Variants in SLC35F3 observed in about 807,000 individuals in gnomAD.
SLC35F3 encodes solute carrier family 35 member F3, also known as putative thiamine transporter SLC35F3.
Under a neutral mutation model 49.9 loss-of-function variants are expected in SLC35F3, and 25 were observed. The ratio of observed to expected loss-of-function variants is 0.50; its 90% CI spans 0.37 to 0.70. SLC35F3 has a LOEUF of 0.70. Ranked by LOEUF, SLC35F3 falls within the 30% of genes least tolerant of loss-of-function variation. SLC35F3 has a pLI of 0.00. For missense variants in SLC35F3, 525 were observed against 639.8 expected (o/e 0.82, Z 1.94); for synonymous variants, 275 against 265.4 (o/e 1.04, Z -0.35).
At chr1:233,905,467 C>T in intron 1 of SLC35F3, 62 bp from the exon 2 acceptor site, 3 of 1,248,046 alleles carry the variant, frequency 2.4e-6, no homozygotes, top group East Asian at 2.5e-5. Flanking sequence ...CCTCACGAAT[C>T]CCCTCCTCTC....
chr1:234,069,855 T>C (rs1664686415), intron 2 of SLC35F3, among the ~76,000 whole-genome samples: 1 of 152,222 alleles, frequency 6.6e-6, no homozygotes, highest in Non-Finnish European at 1.5e-5. Context: ...CTTGATTTCA[T>C]TGCCACCAGT....
chr1:233,908,866 T>A (rs1454010197), intron 2 of SLC35F3, among the ~76,000 whole-genome samples: 2 of 149,752 alleles, frequency 1.3e-5, no homozygotes, highest in African/African-American at 4.9e-5. Flanking sequence ...AATAATAGTA[T>A]TTTTTTTTAG....
intron 2 of SLC35F3, among the ~76,000 whole-genome samples, chr1:234,197,640 C>A (rs1012073344): frequency 4.6e-5 from 7 of 152,194 alleles, no homozygotes; most frequent in Admixed American, 3.9e-4. Context: ...AGTTCTCCTG[C>A]CCACAAGAAC....
At chr1:234,243,196 T>C (rs1192496407) in intron 3 of SLC35F3, among the ~76,000 whole-genome samples, 1 of 151,918 alleles carries the variant, frequency 6.6e-6, no homozygotes, top group African/African-American at 2.4e-5. Flanking sequence ...CTACTAACAA[T>C]ACAAAAAAAT....
intron 2 of SLC35F3, among the ~76,000 whole-genome samples, chr1:234,224,020 A>G (rs1424026134): frequency 6.6e-6 from 1 of 151,958 alleles, no homozygotes; most frequent in Non-Finnish European, 1.5e-5. Context: ...TTAGAATTCC[A>G]TCCTTATGAC....
intron 2 of SLC35F3, among the ~76,000 whole-genome samples, chr1:234,124,597 T>C (rs970649827): frequency 6.6e-6 from 1 of 152,186 alleles, no homozygotes; most frequent in Non-Finnish European, 1.5e-5. Context: ...CTGGGCACAG[T>C]GGCTCATGCC....
intron 2 of SLC35F3, among the ~76,000 whole-genome samples, chr1:233,966,563 G>T (rs913661178): frequency 1.3e-5 from 2 of 152,136 alleles, no homozygotes; most frequent in African/African-American, 4.8e-5. Context: ...AATCTGGATG[G>T]GAGATACCCA....
intron 2 of SLC35F3, among the ~76,000 whole-genome samples, chr1:233,985,747 A>G (rs547437197): frequency 6.6e-6 from 1 of 152,356 alleles, no homozygotes; most frequent in South Asian, 2.1e-4. Context: ...CTAAGCTAAA[A>G]TCATCCACAA....
At chr1:234,216,240 G>T (rs1054032251) in intron 2 of SLC35F3, among the ~76,000 whole-genome samples, 1 of 152,198 alleles carries the variant, frequency 6.6e-6, no homozygotes, top group Non-Finnish European at 1.5e-5. Flanking sequence ...CTCATGGGAA[G>T]CTGCCCACTC....
intron 2 of SLC35F3, among the ~76,000 whole-genome samples, chr1:233,924,904 C>A (rs760670715): frequency 1.3e-5 from 2 of 152,194 alleles, no homozygotes; most frequent in Non-Finnish European, 2.9e-5. Flanking sequence ...AGTAGTCATT[C>A]AGGAGCAGGT....
rs1394286794 is a variant in SLC35F3, at chr1:234,143,278, C to CTTTTTT, written c.284-88135_284-88134insTTTTTT. Among the ~76,000 whole-genome samples, 118 of 127,378 alleles carry CTTTTTT rather than the reference C, an allele frequency of 9.3e-4. 3 individuals are homozygous for CTTTTTT. Among genetic ancestry groups the CTTTTTT allele is most frequent in the African/African-American group, 3.5e-3 (109 of 30,912 alleles). The allele number at this position is 127,378 out of a possible 152,430, so 83.6% of individuals were successfully genotyped here. A position where few individuals can be genotyped will look rare whatever the true frequency, so the allele number is the denominator to read the frequency against. On this transcript the variant is annotated intron_variant, in intron 2 of 7. Transcript: ENST00000366618. ...CTGCTTCTATGAGTTTGACTCTTTTCTTTTCTTTTCTTTTTTTTTTTTTTT... is the reference window on the plus strand; with the variant it reads ...CTGCTTCTATGAGTTTGACTCTTTTCTTTTTTTTTTCTTTTCTTTTTTTTTTTTTTT...
At chr1:234,278,574 G>C (rs79272422) in intron 3 of SLC35F3, among the ~76,000 whole-genome samples, 1 of 151,392 alleles carries the variant, frequency 6.6e-6, no homozygotes, top group African/African-American at 2.4e-5. Flanking sequence ...ATAACTTTTT[G>C]TGGGACTTGA....
intron 2 of SLC35F3, among the ~76,000 whole-genome samples, chr1:234,101,653 AG>A (rs915048248): frequency 6.6e-6 from 1 of 152,262 alleles, no homozygotes; most frequent in African/African-American, 2.4e-5. Context: ...TAGCACTTAC[AG>A]CACTTTTCTA....
intron 2 of SLC35F3, among the ~76,000 whole-genome samples, chr1:234,162,549 C>T (rs1360558028): frequency 1.3e-5 from 2 of 152,044 alleles, no homozygotes; most frequent in Non-Finnish European, 2.9e-5. Context: ...AGACCACTTT[C>T]TCCTTGCCCC....
chr1:234,049,717 C>T (rs1664346944), intron 2 of SLC35F3, among the ~76,000 whole-genome samples: 1 of 152,042 alleles, frequency 6.6e-6, no homozygotes, highest in African/African-American at 2.4e-5. Context: ...ATACATGTGC[C>T]ATGTTGGTGT....
chr1:233,991,507 C>A (rs1663354422), intron 2 of SLC35F3, among the ~76,000 whole-genome samples: 1 of 152,034 alleles, frequency 6.6e-6, no homozygotes, highest in African/African-American at 2.4e-5. Flanking sequence ...TACCTGGCTG[C>A]TGATTCAGAC....
intron 2 of SLC35F3, among the ~76,000 whole-genome samples, chr1:233,946,383 G>T (rs1287066262): frequency 1.3e-5 from 2 of 152,160 alleles, no homozygotes; most frequent in East Asian, 3.9e-4. Context: ...CTATAATTTT[G>T]TTTGGACTTA....
chr1:234,233,084 C>G (rs1325065616), intron 3 of SLC35F3, among the ~76,000 whole-genome samples: 5 of 152,058 alleles, frequency 3.3e-5, no homozygotes, highest in Admixed American at 6.5e-5. Context: ...GGCTCATGGA[C>G]CAGCCAGAAA....
chr1:234,194,144 G>T (rs1172802825), intron 2 of SLC35F3, among the ~76,000 whole-genome samples: 1 of 149,250 alleles, frequency 6.7e-6, no homozygotes, highest in Non-Finnish European at 1.5e-5. Flanking sequence ...ATTAAAAAAA[G>T]ATACTTGCAT....
Sources: gnomAD v4.1 joint callset for allele counts (sites outside exome capture counted in the v4.1 genomes callset) on GRCh38, gnomAD v4.1.1 for gene constraint, MANE v1.5 for transcripts, NCBI Gene and HGNC (gene_info 2026-07-23, HGNC 2026-07-21) for gene names.